The following CTNNA3 variants were observed in gnomAD, a reference collection of about 807,000 sequenced individuals.
CTNNA3 encodes the protein catenin alpha-3.
In CTNNA3, 76 loss-of-function variants were observed where a neutral mutation model predicts 95.7. That is an observed-to-expected ratio of 0.79 (90% CI 0.66 to 0.96). CTNNA3 has a LOEUF of 0.96. Among genes scored for constraint, CTNNA3 ranks in the 40% least tolerant of loss-of-function variants. The pLI, the probability that CTNNA3 is intolerant of heterozygous loss-of-function variation, is 0.00. For synonymous variants in CTNNA3, 431 were observed against 374.4 expected (o/e 1.15, Z -1.74); for missense variants, 1,191 against 1,089.8 (o/e 1.09, Z -1.31).
intron 10 of CTNNA3, among the ~76,000 whole-genome samples, chr10:66,524,077 G>C (rs907137944): frequency 8.8e-6 from 1 of 113,658 alleles, no homozygotes; most frequent in Non-Finnish European, 1.9e-5. Flanking sequence ...TTTTAGAGCT[G>C]AATCTGCCTT....
At chr10:67,564,673 G>GTCTGTA (rs1183217023) in intron 3 of CTNNA3, among the ~76,000 whole-genome samples, 12 of 72,400 alleles carry the variant, frequency 1.7e-4, no homozygotes, top group African/African-American at 8.9e-4. Context: ...ATGTGTGTGT[G>GTCTGTA]TGTGTATATA....
chr10:66,556,825 A>C (rs1327275008), intron 10 of CTNNA3, among the ~76,000 whole-genome samples: 1 of 152,066 alleles, frequency 6.6e-6, no homozygotes, highest in Non-Finnish European at 1.5e-5. Flanking sequence ...TATAATTAAT[A>C]ATACTCTTTT....
intron 16 of CTNNA3, among the ~76,000 whole-genome samples, chr10:65,983,104 C>A (rs2078358361): frequency 1.3e-5 from 2 of 151,582 alleles, no homozygotes; most frequent in African/African-American, 2.4e-5. Flanking sequence ...TAAACATCAT[C>A]TTTTCTTGAA....
Position 66,435,529 on chromosome 10 carries a change from C to T in CTNNA3, c.1532-56177G>A, listed in dbSNP as rs866439223. ...TCTGTGGGATCAGTGGTGATATCCC[C>T]TTTATCATTTTTTATTGTGTCTATT... On this transcript the variant is annotated intron_variant, in intron 11 of 17. Coordinates refer to ENST00000433211, the MANE Select transcript of CTNNA3 (RefSeq NM_013266.4). 2.6e-4 allele frequency among the ~76,000 whole-genome samples: 40 copies of T among 152,134 alleles called. 2 individuals carry two copies. The highest frequency in any genetic ancestry group is 9.2e-4 in the African/African-American group (38 of 41,488).
At chr10:67,458,529 AAAG>A (rs1197325173) in intron 5 of CTNNA3, among the ~76,000 whole-genome samples, 1 of 152,096 alleles carries the variant, frequency 6.6e-6, no homozygotes, top group South Asian at 2.1e-4. Flanking sequence ...TGGAAGTAGA[AAAG>A]AAGATTCTAA....
At chr10:67,679,583 G>T (rs1052018313) in intron 1 of CTNNA3, among the ~76,000 whole-genome samples, 11 of 152,120 alleles carry the variant, frequency 7.2e-5, no homozygotes, top group African/African-American at 2.7e-4. Context: ...AATTAGAAAA[G>T]AGAACAATGA....
intron 7 of CTNNA3, among the ~76,000 whole-genome samples, chr10:66,967,612 T>C (rs1288130647): frequency 6.6e-6 from 1 of 151,922 alleles, no homozygotes; most frequent in Non-Finnish European, 1.5e-5. Context: ...TGTAAAACAG[T>C]CCATTAAAAT....
Position 66,360,658 on chromosome 10 carries a change from TCTTCCTTCCTTCCTTC to T in CTNNA3, c.1732+18478_1732+18493del, listed in dbSNP as rs367718579. 9.9e-3 allele frequency among the ~76,000 whole-genome samples: 484 copies of T among 48,826 alleles called. 21 individuals are homozygous for T. Among genetic ancestry groups the T allele is most frequent in the South Asian group, 0.046 (66 of 1,432 alleles). The allele number at this position is 48,826 out of a possible 152,430, so 32.0% of individuals were successfully genotyped here. On this transcript the variant is annotated intron_variant, in intron 12 of 17. Transcript: ENST00000433211. ...TTCTTTCTTTCTTTCTTTCTTTCTT[TCTTCCTTCCTTCCTTC>T]CTTCCTTCCTTCCTTCCTTTTCTTT...
In CTNNA3 at chr10:67,380,690, G is replaced by A. The variant is rs974518370; in HGVS notation, c.579+141152C>T. On this transcript the variant is annotated intron_variant, in intron 5 of 17. Coordinates refer to ENST00000433211, the MANE Select transcript of CTNNA3 (RefSeq NM_013266.4). ...AGTACTAAGGGCAAATAGGGAAGAC[G>A]AAAACAGTAGGAATACAAAAGAAGG... 3.3e-5 allele frequency among the ~76,000 whole-genome samples: 5 copies of A among 152,164 alleles called. No individual in the cohort carries two copies. In the South Asian group the frequency reaches 1.0e-3, roughly 32 times the overall value.
At chr10:66,171,441 G>A (rs2085424383) in intron 13 of CTNNA3, among the ~76,000 whole-genome samples, 1 of 151,610 alleles carries the variant, frequency 6.6e-6, no homozygotes, top group Non-Finnish European at 1.5e-5. Flanking sequence ...AGCTACTTGG[G>A]AGGCTGAGGC....
chr10:66,516,881 C>A (rs1045320693), intron 11 of CTNNA3, among the ~76,000 whole-genome samples: 1 of 152,130 alleles, frequency 6.6e-6, no homozygotes, highest in African/African-American at 2.4e-5. Context: ...CTTTAAGATG[C>A]AACCAAGAGG....
At chr10:66,568,186 T>C (rs189924013) in intron 10 of CTNNA3, among the ~76,000 whole-genome samples, 118 of 152,270 alleles carry the variant, frequency 7.7e-4, no homozygotes, top group African/African-American at 2.8e-3. Flanking sequence ...TTTTTTCAAA[T>C]AGAAATCTAT....
chr10:66,331,673 G>A (rs192126110), intron 12 of CTNNA3, among the ~76,000 whole-genome samples: 1 of 151,998 alleles, frequency 6.6e-6, no homozygotes, highest in East Asian at 1.9e-4. Flanking sequence ...CTTCGTTTTG[G>A]TACCAGTACC....
intron 7 of CTNNA3, among the ~76,000 whole-genome samples, chr10:67,018,348 A>C (rs1852788872): frequency 6.6e-6 from 1 of 152,058 alleles, no homozygotes; most frequent in Non-Finnish European, 1.5e-5. Flanking sequence ...GATTTTCTTC[A>C]CCCAACTTTT....
At chr10:66,853,929 T>C (rs1264462771) in intron 7 of CTNNA3, among the ~76,000 whole-genome samples, 4 of 152,222 alleles carry the variant, frequency 2.6e-5, no homozygotes, top group South Asian at 2.1e-4. Flanking sequence ...GAATGTGCAA[T>C]TGTTTTGCAT....
chr10:67,554,167 C>T (rs1274953418), intron 3 of CTNNA3, among the ~76,000 whole-genome samples: 4 of 152,096 alleles, frequency 2.6e-5, no homozygotes, highest in East Asian at 1.9e-4. Flanking sequence ...CATTGTTGGA[C>T]ATTTGGGTTG....
chr10:67,272,471 T>G (rs1405469206), intron 5 of CTNNA3, among the ~76,000 whole-genome samples: 17 of 152,244 alleles, frequency 1.1e-4, no homozygotes, highest in African/African-American at 3.4e-4. Flanking sequence ...GAGGATCGCT[T>G]GAACCCAATA....
chr10:67,364,352 C>G (rs1843121789), intron 5 of CTNNA3, among the ~76,000 whole-genome samples: 1 of 152,022 alleles, frequency 6.6e-6, no homozygotes, highest in African/African-American at 2.4e-5. Flanking sequence ...TATGACAAAC[C>G]CACAGCCAAT....
chr10:66,218,465 A>C (rs957560480), intron 13 of CTNNA3, among the ~76,000 whole-genome samples: 1 of 152,146 alleles, frequency 6.6e-6, no homozygotes, highest in African/African-American at 2.4e-5. Flanking sequence ...AAGGAACCCT[A>C]TAGGCGAGCT....
Sources: gnomAD v4.1 joint callset for allele counts (sites outside exome capture counted in the v4.1 genomes callset) on GRCh38, gnomAD v4.1.1 for gene constraint, MANE v1.5 for transcripts, NCBI Gene and HGNC (gene_info 2026-07-23, HGNC 2026-07-21) for gene names.